The following EDN2 variants were observed in gnomAD, a reference collection of about 807,000 sequenced individuals.
EDN2 encodes the protein endothelin 2, also known as endothelin-2.
EDN2 carries 10 observed loss-of-function variants against 19.9 expected under a neutral mutation model. The ratio of observed to expected loss-of-function variants is 0.50; its 90% confidence interval spans 0.31 to 0.85. The LOEUF (loss-of-function observed/expected upper bound fraction) is 0.85. Among genes scored for constraint, EDN2 ranks in the 40% least tolerant of loss-of-function variants. EDN2 has a pLI of 0.05. For synonymous variants in EDN2, 84 were observed against 94.9 expected, an observed-to-expected ratio of 0.89 and a Z score of 0.67; for missense variants, 222 against 239.3, an observed-to-expected ratio of 0.93 and a Z score of 0.48.
intron 2 of EDN2, among the ~76,000 whole-genome samples, chr1:41,483,465 G>A (rs1385256560): frequency 1.3e-5 from 2 of 152,216 alleles, no homozygotes; most frequent in South Asian, 2.1e-4. Context: ...GAGGCAGTGC[G>A]GGTGCAGGCG....
chr1:41,484,443 C>T, intron 1 of EDN2, 95 bp downstream of exon 1: 3 of 1,482,286 alleles, frequency 2.0e-6, no homozygotes, highest in African/African-American at 1.4e-5. Flanking sequence ...CCCTGTCTGC[C>T]CCCAGCTGGC....
At chr1:41,482,905 C>G (rs1204180711) in intron 2 of EDN2, 1 of 199,070 alleles carries the variant, frequency 5.0e-6, no homozygotes, top group Non-Finnish European at 1.0e-5. Flanking sequence ...AATCTGTGAT[C>G]CTACCTGAAG....
chr1:41,482,362 A>T, intron 3 of EDN2, 104 bp downstream of exon 3: 1 of 1,355,804 alleles, frequency 7.4e-7, no homozygotes, highest in Non-Finnish European at 9.5e-7. Context: ...TCTCACCCCC[A>T]ACTTGCCAGT....
At chr1:41,483,924 G>A (rs2759256) in intron 2 of EDN2, 123 bp downstream of exon 2, 1,013,763 of 1,015,150 alleles carry the variant, frequency 1, 506,197 homozygotes, top group East Asian at 1. Flanking sequence ...ATATTAGCCA[G>A]TGCCTCCATC....
At position 41,479,329 on chromosome 1, in the gene EDN2, G is replaced by T; in HGVS notation, c.*80C>A. ...AAGGCCCCGGTCCAGGAAGCAGGCA[G>T]AGAGTCCACAAGCCCTGGCCACTTC... On this transcript the variant is annotated 3_prime_UTR_variant, in exon 5 of 5. Transcript: ENST00000372587. 2 of 1,228,248 alleles carry T rather than the reference G, an allele frequency of 1.6e-6. No individual in the cohort carries two copies. The highest frequency in any genetic ancestry group is 1.2e-5 in the South Asian group (1 of 80,414). The allele number at this position is 1,228,248 out of a possible 1,614,324, so 76.1% of individuals were successfully genotyped here. A position where few individuals can be genotyped will look rare whatever the true frequency, so the allele number is the denominator to read the frequency against.
At chr1:41,479,610 G>T in intron 4 of EDN2, 108 bp from the exon 5 acceptor site, 1 of 950,478 alleles carries the variant, frequency 1.1e-6, no homozygotes. Flanking sequence ...AGATCCTGGG[G>T]TCACAGCGGC....
rs1408048498 is a variant in EDN2 at position 41,481,079 on chromosome 1, T to C, written c.443+16A>G. The stretch of plus-strand genomic sequence containing the variant: ...ACAGGAGGTGCTCAGTCTGTGCATG[T>C]GTCCCACGCCCTCACCTCAGCCTTT... On this transcript the variant is annotated intron_variant, in intron 4 of 4. Coordinates refer to ENST00000372587, the MANE Select transcript of EDN2 (RefSeq NM_001956.5). 2 of 1,602,564 alleles carry C rather than the reference T, an allele frequency of 1.2e-6. No individual in the cohort carries two copies. Among genetic ancestry groups the C allele is most frequent in the African/African-American group, 2.7e-5 (2 of 74,840 alleles).
chr1:41,484,312 G>C (rs1301599218), intron 1 of EDN2, 109 bp from the exon 2 acceptor site: 1 of 1,415,434 alleles, frequency 7.1e-7, no homozygotes, highest in Non-Finnish European at 9.5e-7. Context: ...GAGGGAGTTG[G>C]CACTCTTGCT....
At chr1:41,481,065 T>C in intron 4 of EDN2, 30 bp downstream of exon 4, 1 of 1,556,620 alleles carries the variant, frequency 6.4e-7, no homozygotes, top group Non-Finnish European at 8.9e-7. Context: ...CAGGAGGTGC[T>C]CAGTCTGTGC....
Position 41,479,462 on chromosome 1 carries a change from G to A in EDN2, c.484C>T (p.Gln162Ter), listed in dbSNP as rs778540509. The A allele has an allele frequency of 9.3e-6, 15 of 1,614,044 alleles. No homozygotes were observed. In the Admixed American group the frequency reaches 1.8e-4, roughly 20 times the overall value. ...TVKSLFAKRQ[Q>*]EAMREPRSTH... ...GACCGAGGCTCCCGCATGGCCTCCT[G>A]TTGTCGCTTGGCAAAGAGGCTCTTG... The change falls in exon 5 of 5, where the codon CAG becomes TAG. Residue 162 changes from glutamine (Q) to a stop codon, truncating the protein, a stop_gained. Coordinates refer to ENST00000372587, the MANE Select transcript of EDN2 (RefSeq NM_001956.5). LOFTEE classifies it high-confidence loss of function.
rs536593922 is a variant in EDN2 at position 41,481,020 on chromosome 1, C to G, written c.443+75G>C. On this transcript the variant is annotated intron_variant, in intron 4 of 4. Coordinates refer to ENST00000372587, the MANE Select transcript of EDN2 (RefSeq NM_001956.5). ...CTGCCCAATGAGGACCCAGGCCTGC[C>G]TCACATAGAAAATATGGGAAATGTG... 169 of 1,289,164 alleles carry G rather than the reference C, an allele frequency of 1.3e-4. No homozygotes were observed. The African/African-American group carries it at 2.2e-3, about 17-fold the overall frequency. 79.9% of individuals were successfully genotyped at this position (1,289,164 alleles called of 1,614,324 possible).
rs769091946 is a variant in EDN2 at position 41,481,174 on chromosome 1, G to A, written c.364C>T (p.Pro122Ser). The A allele has an allele frequency of 8.7e-6, 14 of 1,613,964 alleles. No homozygotes were observed. In the Admixed American group the frequency reaches 2.3e-4, roughly 27 times the overall value. ...ACGTCTGCAGGGGACTTCCGGCTTG[G>A]GACTGCCCCGGCTTCAGTCCTACGT... Reference protein sequence around the residue: ...RRPWTEAGAVPSRKSPADVFQ... With the variant: ...RRPWTEAGAVSSRKSPADVFQ... The change falls in exon 4 of 5, where the codon CCA becomes TCA. Residue 122 changes from proline (P) to serine (S), a missense_variant. Transcript: ENST00000372587.
Position 41,480,886 on chromosome 1 carries a change from CAA to C in EDN2, c.443+207_443+208del, listed in dbSNP as rs1437063031. On this transcript the variant is annotated intron_variant, in intron 4 of 4. Coordinates refer to ENST00000372587, the MANE Select transcript of EDN2 (RefSeq NM_001956.5). ...AGTCCACTTCCAGGCCTAGTGGTAA[CAA>C]AGAGCACAGTGGGTAAGAGCACAGA... is the stretch of plus-strand genomic sequence containing the variant. 1.0e-5 allele frequency: 7 copies of C among 668,772 alleles called. No homozygotes were observed. The Admixed American group carries it at 1.2e-4, about 12-fold the overall frequency. 41.4% of individuals were successfully genotyped at this position (668,772 alleles called of 1,614,324 possible).
Position 41,479,261 on chromosome 1 carries a change from A to G in EDN2, c.*148T>C, listed in dbSNP as rs1398166523. The stretch of plus-strand genomic sequence containing the variant: ...CTTGGACGAGGCTCCCTCACCAGGG[A>G]GCTTGTGCCAATCCTGGCAAATGGG... On this transcript the variant is annotated 3_prime_UTR_variant, in exon 5 of 5. Coordinates refer to ENST00000372587, the MANE Select transcript of EDN2 (RefSeq NM_001956.5). 1.3e-6 allele frequency: 1 copy of G among 742,030 alleles called. No individual in the cohort carries two copies. The highest frequency in any genetic ancestry group is 1.7e-5 in the African/African-American group (1 of 57,794). The allele number at this position is 742,030 out of a possible 1,614,324, so 46.0% of individuals were successfully genotyped here.
intron 4 of EDN2, 46 bp downstream of exon 4, chr1:41,481,049 G>A: frequency 6.9e-7 from 1 of 1,450,954 alleles, no homozygotes; most frequent in Non-Finnish European, 9.7e-7. Context: ...AAATGTGCAA[G>A]GCATACAGGA....
At chr1:41,484,341 A>C in intron 1 of EDN2, 138 bp from the exon 2 acceptor site, 1 of 1,314,504 alleles carries the variant, frequency 7.6e-7, no homozygotes, top group Non-Finnish European at 1.0e-6. Flanking sequence ...GCTCCAGGCC[A>C]GCCCAGGGAA....
At chr1:41,480,550 C>T (rs1041926419) in intron 4 of EDN2, among the ~76,000 whole-genome samples, 1 of 152,240 alleles carries the variant, frequency 6.6e-6, no homozygotes, top group Admixed American at 6.5e-5. Flanking sequence ...AAAGCTTGTA[C>T]CAGGCTGGGC....
At position 41,484,679 on chromosome 1, in the gene EDN2, A is replaced by G; in HGVS notation, c.-78T>C. The G allele has an allele frequency of 6.7e-7, 1 of 1,503,202 alleles. No individual in the cohort carries two copies. Among genetic ancestry groups the G allele is most frequent in the Non-Finnish European group, 9.0e-7 (1 of 1,107,120 alleles). The allele number at this position is 1,503,202 out of a possible 1,614,324, so 93.1% of individuals were successfully genotyped here. The stretch of plus-strand genomic sequence containing the variant: ...CGTCCTGCTATTAAGCTGAGCAGAT[A>G]GCTCATTGCCTCGGTGCCCTGGCTG... On this transcript the variant is annotated 5_prime_UTR_variant, in exon 1 of 5. Coordinates refer to ENST00000372587, the MANE Select transcript of EDN2 (RefSeq NM_001956.5).
rs1644258906 is a variant in EDN2, at chr1:41,482,690, C to T, written c.222-102G>A. ...GGATTAAATAAACCACAACCATTGG[C>T]AAGCAGGGACTGTCCACACTGCCCA... is the stretch of plus-strand genomic sequence containing the variant. On this transcript the variant is annotated intron_variant, in intron 2 of 4. Coordinates refer to ENST00000372587, the MANE Select transcript of EDN2 (RefSeq NM_001956.5). The T allele has an allele frequency of 3.6e-6, 5 of 1,396,348 alleles. No homozygotes were observed. In the South Asian group the frequency reaches 4.7e-5, roughly 13 times the overall value. 86.5% of individuals were successfully genotyped at this position (1,396,348 alleles called of 1,614,324 possible). A position where few individuals can be genotyped will look rare whatever the true frequency, so the allele number is the denominator to read the frequency against.
Sources: allele counts gnomAD v4.1 joint callset (sites outside exome capture counted in the v4.1 genomes callset), GRCh38; gene constraint gnomAD v4.1.1; transcripts MANE v1.5; gene names NCBI Gene and HGNC (gene_info 2026-07-23, HGNC 2026-07-21).